Variants in POC1B observed in about 807,000 individuals in gnomAD.
POC1B encodes POC1 centriolar protein homolog B.
A neutral mutation model predicts 60.6 loss-of-function variants in POC1B; 44 were observed. The observed-to-expected ratio is 0.73, with a 90% CI of 0.57 to 0.93. POC1B has a LOEUF of 0.93. Ranked by LOEUF, POC1B falls within the 40% of genes least tolerant of loss-of-function variation. POC1B has a pLI of 0.00. For synonymous variants in POC1B, 180 were observed against 198.9 expected (o/e 0.90, Z 0.80); for missense variants, 555 against 572.3 (o/e 0.97, Z 0.31).
downstream of POC1B, among the ~76,000 whole-genome samples, chr12:89,417,944 A>G (rs770371): frequency 1 from 152,232 of 152,362 alleles, 76,052 homozygotes; most frequent in Non-Finnish European, 1. Flanking sequence ...ACTTATTGTT[A>G]TCCTATATTC....
At chr12:89,475,493 G>A (rs1883068089) in intron 4 of POC1B, among the ~76,000 whole-genome samples, 1 of 152,076 alleles carries the variant, frequency 6.6e-6, no homozygotes, top group Non-Finnish European at 1.5e-5. Context: ...GTGGCTGAAA[G>A]TGAGAATGAT....
chr12:89,466,272 A>G (rs1882681703), intron 9 of POC1B, among the ~76,000 whole-genome samples: 2 of 152,270 alleles, frequency 1.3e-5, no homozygotes. Flanking sequence ...AAAAACCTAC[A>G]GCTAAATAGA....
Position 89,471,716 on chromosome 12 carries a change from C to T in POC1B, c.574G>A (p.Val192Met). 3 of 1,566,744 alleles carry T rather than the reference C, an allele frequency of 1.9e-6. No individual in the cohort carries two copies. Among genetic ancestry groups the T allele is most frequent in the Non-Finnish European group, 1.7e-6 (2 of 1,156,938 alleles). ...CATGTACCACTAGGGTTAAAGTCCA[C>T]AAAATTTGCAAATCTAGGAGGAAAG... is the stretch of plus-strand genomic sequence containing the variant. ...FSDSVGFANFVDFNPSGTCIA... is the reference protein window; with the variant it reads ...FSDSVGFANFMDFNPSGTCIA... The change falls in exon 6 of 12, where the codon GTG (valine) becomes ATG (methionine). Residue 192 changes from valine to methionine, a missense_variant. Physicochemically the swap from Val to Met is conservative, Grantham distance 21 (BLOSUM62 1). Coordinates refer to ENST00000313546, the MANE Select transcript of POC1B (RefSeq NM_172240.3).
chr12:89,429,641 C>T (rs545616038), intron 10 of POC1B, among the ~76,000 whole-genome samples: 22 of 152,190 alleles, frequency 1.4e-4, no homozygotes, highest in East Asian at 5.8e-4. Flanking sequence ...GTATGATGCC[C>T]GCTCTCAAGG....
chr12:89,509,625 T>C (rs1431729147), intron 2 of POC1B, among the ~76,000 whole-genome samples: 1 of 152,206 alleles, frequency 6.6e-6, no homozygotes, highest in Non-Finnish European at 1.5e-5. Flanking sequence ...TATGTAGGTA[T>C]ATCAATTGAT....
chr12:89,420,114 A>G lies in POC1B; in HGVS notation c.*1039T>C, dbSNP rs890186197. 1 of 152,198 alleles carries G rather than the reference A, an allele frequency of 6.6e-6. No homozygotes were observed. The highest frequency in any genetic ancestry group is 2.4e-5 in the African/African-American group (1 of 41,456). The allele number at this position is 152,198 out of a possible 1,614,324, so 9.4% of individuals were successfully genotyped here. On this transcript the variant is annotated 3_prime_UTR_variant, in exon 12 of 12. Transcript: ENST00000313546. ...CAGGTTGATAATCAAGCTGAAATTA[A>G]TTTGCTTGCTTTTCTTCAATTTAAT... is the stretch of plus-strand genomic sequence containing the variant.
chr12:89,524,751 T>A (rs2135783739), intron 2 of POC1B: 2 of 641,160 alleles, frequency 3.1e-6, no homozygotes, highest in Non-Finnish European at 5.5e-6. Context: ...GCCCAACTCC[T>A]CTCTCCCTAC....
rs56654469 is a variant in POC1B at position 89,510,763 on chromosome 12, C to CTTTTTTTTT, written c.101-13430_101-13422dup. ...CTGGAGGAAGAAATATGTTTTTATTCTTTTTTTTTTTTGATATGGAGTCTC... is the reference window on the plus strand; with the variant it reads ...CTGGAGGAAGAAATATGTTTTTATTCTTTTTTTTTTTTTTTTTTTTTGATATGGAGTCTC... On this transcript the variant is annotated intron_variant, in intron 2 of 11. Coordinates refer to ENST00000313546, the MANE Select transcript of POC1B (RefSeq NM_172240.3). 9.4e-4 allele frequency among the ~76,000 whole-genome samples: 131 copies of CTTTTTTTTT among 139,068 alleles called. 5 individuals carry two copies. The highest frequency in any genetic ancestry group is 1.3e-3 in the Non-Finnish European group (83 of 65,396). 91.2% of individuals were successfully genotyped at this position (139,068 alleles called of 152,430 possible). A position where few individuals can be genotyped will look rare whatever the true frequency, so the allele number is the denominator to read the frequency against.
intron 2 of POC1B, among the ~76,000 whole-genome samples, chr12:89,508,264 T>C (rs183863032): frequency 6.6e-6 from 1 of 152,376 alleles, no homozygotes; most frequent in Non-Finnish European, 1.5e-5. Flanking sequence ...TACCTAGAGC[T>C]GCCTCATTCC....
At chr12:89,500,233 T>C (rs941727534) in intron 2 of POC1B, 5 of 1,577,578 alleles carry the variant, frequency 3.2e-6, no homozygotes, top group Non-Finnish European at 4.3e-6. Context: ...AAAAAAGTCT[T>C]GCCAATGATT....
At chr12:89,463,567 A>G (rs1445301560) in intron 9 of POC1B, among the ~76,000 whole-genome samples, 2 of 152,310 alleles carry the variant, frequency 1.3e-5, no homozygotes, top group Middle Eastern at 3.4e-3. Flanking sequence ...GGGTCAAGAT[A>G]CCTTGTGTAA....
rs376737637 is a variant in POC1B at position 89,489,670 on chromosome 12, T to A, written c.452+2266A>T. On this transcript the variant is annotated intron_variant, in intron 4 of 11. Coordinates refer to ENST00000313546, the MANE Select transcript of POC1B (RefSeq NM_172240.3). ...CTGAAACTCCCACTCCACCAAATCCTGGCTGGGGACACCTGGCATGTTATT... is the reference window on the plus strand; with the variant it reads ...CTGAAACTCCCACTCCACCAAATCCAGGCTGGGGACACCTGGCATGTTATT... Among the ~76,000 whole-genome samples the A allele has an allele frequency of 5.3e-5, 8 of 152,214 alleles. No individual in the cohort carries two copies. In the East Asian group the frequency reaches 1.2e-3, roughly 22 times the overall value.
intron 4 of POC1B, chr12:89,472,811 A>C (rs573940632): frequency 6.5e-6 from 1 of 153,252 alleles, no homozygotes; most frequent in South Asian, 2.1e-4. Context: ...GAGGCCAGAG[A>C]GCTCCAATGG....
intron 2 of POC1B, among the ~76,000 whole-genome samples, chr12:89,517,348 T>C (rs1436179257): frequency 6.6e-6 from 1 of 152,126 alleles, no homozygotes; most frequent in East Asian, 1.9e-4. Flanking sequence ...AAAAGCACTC[T>C]ATGGCTGGGT....
At chr12:89,446,456 C>T (rs7314364) in intron 10 of POC1B, among the ~76,000 whole-genome samples, 3,254 of 152,152 alleles carry the variant, frequency 0.021, 119 homozygotes, top group African/African-American at 0.075. Context: ...TTTTTAGGGA[C>T]GTGGATGAAG....
At chr12:89,512,860 T>A (rs946754648) in intron 2 of POC1B, among the ~76,000 whole-genome samples, 1 of 152,170 alleles carries the variant, frequency 6.6e-6, no homozygotes, top group Non-Finnish European at 1.5e-5. Flanking sequence ...GTAATATAGA[T>A]GAAAAGTGAA....
chr12:89,491,911 T>C (rs897141064), intron 4 of POC1B, 25 bp downstream of exon 4: 1 of 1,461,342 alleles, frequency 6.8e-7, no homozygotes, highest in Admixed American at 2.5e-5. Context: ...TGTGGACATC[T>C]TAATATGAAA....
intron 10 of POC1B, among the ~76,000 whole-genome samples, chr12:89,443,477 A>G (rs1489661108): frequency 6.6e-6 from 1 of 152,060 alleles, no homozygotes; most frequent in African/African-American, 2.4e-5. Context: ...CTACATGGAA[A>G]CTGAACAACC....
chr12:89,493,872 T>C (rs1008764), intron 3 of POC1B, among the ~76,000 whole-genome samples: 29,174 of 152,180 alleles, frequency 0.19, 3,226 homozygotes, highest in South Asian at 0.36. Context: ...GAGTGCCTTA[T>C]GTTTATTGTG....
Sources: gnomAD v4.1 joint callset for allele counts (sites outside exome capture counted in the v4.1 genomes callset) on GRCh38, gnomAD v4.1.1 for gene constraint, MANE v1.5 for transcripts, NCBI Gene and HGNC (gene_info 2026-07-23, HGNC 2026-07-21) for gene names.